ZMAT4: variants seen among roughly 807,000 people sequenced by gnomAD.
ZMAT4 encodes the protein zinc finger matrin-type 4, also known as zinc finger matrin-type protein 4.
A neutral mutation model predicts 28.7 loss-of-function variants in ZMAT4; 17 were observed. The ratio of observed to expected loss-of-function variants is 0.59; its 90% CI spans 0.41 to 0.89. The LOEUF (loss-of-function observed/expected upper bound fraction) is 0.89, where lower values mean the gene tolerates loss of function less well. Among genes scored for constraint, ZMAT4 ranks in the 40% least tolerant of loss-of-function variants. The pLI is 0.00. For synonymous variants in ZMAT4, 117 were observed against 109.2 expected (o/e 1.07, Z -0.44); for missense variants, 240 against 283.8 (o/e 0.85, Z 1.11).
At chr8:40,542,966 CA>C (rs1176650497) in intron 6 of ZMAT4, among the ~76,000 whole-genome samples, 4 of 152,210 alleles carry the variant, frequency 2.6e-5, no homozygotes, top group African/African-American at 9.6e-5. Flanking sequence ...AACGTCATTG[CA>C]GCAGAGATGG....
intron 3 of ZMAT4, among the ~76,000 whole-genome samples, chr8:40,703,204 G>A (rs1218445547): frequency 2.0e-5 from 3 of 151,984 alleles, no homozygotes; most frequent in Non-Finnish European, 4.4e-5. Flanking sequence ...TAGCTACTGT[G>A]GAAAATGAGA....
intron 6 of ZMAT4, among the ~76,000 whole-genome samples, chr8:40,568,355 G>A (rs1187046856): frequency 6.6e-6 from 1 of 152,122 alleles, no homozygotes; most frequent in Non-Finnish European, 1.5e-5. Context: ...AAGACCACAA[G>A]AAACTCAGAA....
chr8:40,880,982 C>T (rs530108290), intron 1 of ZMAT4, among the ~76,000 whole-genome samples: 3 of 152,274 alleles, frequency 2.0e-5, no homozygotes, highest in East Asian at 1.9e-4. Context: ...TATGACACAG[C>T]GTCTTCCCTG....
At chr8:40,747,181 A>G (rs1366057090) in intron 3 of ZMAT4, among the ~76,000 whole-genome samples, 1 of 152,254 alleles carries the variant, frequency 6.6e-6, no homozygotes, top group East Asian at 1.9e-4. Context: ...TGAAATTATC[A>G]ACAATCCACT....
chr8:40,547,357 T>C (rs1414995163), intron 6 of ZMAT4, among the ~76,000 whole-genome samples: 1 of 152,202 alleles, frequency 6.6e-6, no homozygotes, highest in Admixed American at 6.5e-5. Flanking sequence ...ATCCAGAGTT[T>C]TGAAAGCAGC....
intron 5 of ZMAT4, among the ~76,000 whole-genome samples, chr8:40,586,431 C>G (rs993175226): frequency 6.6e-6 from 1 of 152,060 alleles, no homozygotes; most frequent in African/African-American, 2.4e-5. Context: ...CAGTTGGAGA[C>G]AGAAAACAGA....
At chr8:40,657,081 A>C (rs1807960285) in intron 5 of ZMAT4, among the ~76,000 whole-genome samples, 1 of 152,150 alleles carries the variant, frequency 6.6e-6, no homozygotes, top group Admixed American at 6.6e-5. Context: ...CTCAAGCTGG[A>C]GTGCAATGAT....
chr8:40,601,647 AG>A (rs1563360913), intron 5 of ZMAT4, among the ~76,000 whole-genome samples: 1 of 28,324 alleles, frequency 3.5e-5, no homozygotes. Context: ...AAAGAAAGAA[AG>A]AAAGAAAGAA....
chr8:40,740,159 C>T (rs547102489), intron 3 of ZMAT4, among the ~76,000 whole-genome samples: 2 of 152,270 alleles, frequency 1.3e-5, no homozygotes, highest in East Asian at 1.9e-4. Flanking sequence ...GGTATACACC[C>T]AGTAATGGCA....
At chr8:40,817,156 A>G (rs1815573078) in intron 2 of ZMAT4, among the ~76,000 whole-genome samples, 1 of 152,192 alleles carries the variant, frequency 6.6e-6, no homozygotes. Context: ...TGTATCTAGG[A>G]GAGAATTGTT....
intron 3 of ZMAT4, among the ~76,000 whole-genome samples, chr8:40,747,191 T>G (rs1310253258): frequency 6.6e-6 from 1 of 152,252 alleles, no homozygotes; most frequent in Non-Finnish European, 1.5e-5. Context: ...AACAATCCAC[T>G]GATCCGTTTG....
chr8:40,776,239 C>T (rs1480892199), intron 2 of ZMAT4, among the ~76,000 whole-genome samples: 1 of 152,202 alleles, frequency 6.6e-6, no homozygotes, highest in African/African-American at 2.4e-5. Context: ...AATTAGGTCA[C>T]TTCGTTTCTT....
At chr8:40,849,584 C>G (rs7838763) in intron 1 of ZMAT4, among the ~76,000 whole-genome samples, 2 of 152,088 alleles carry the variant, frequency 1.3e-5, no homozygotes, top group Admixed American at 6.5e-5. Flanking sequence ...CTTGTTCCTC[C>G]GTCACCCACA....
intron 5 of ZMAT4, among the ~76,000 whole-genome samples, chr8:40,664,077 C>T (rs569440569): frequency 1.8e-4 from 27 of 152,182 alleles, no homozygotes; most frequent in Middle Eastern, 3.4e-3. Flanking sequence ...GGAGGGAGAC[C>T]GATCCTCCAG....
chr8:40,776,358 A>C (rs1442842894), intron 2 of ZMAT4, among the ~76,000 whole-genome samples: 1 of 152,232 alleles, frequency 6.6e-6, no homozygotes, highest in Non-Finnish European at 1.5e-5. Flanking sequence ...TGGGATGTGC[A>C]GTGCCTGTGA....
chr8:40,639,974 T>C (rs1021075580), intron 5 of ZMAT4, among the ~76,000 whole-genome samples: 16 of 152,128 alleles, frequency 1.1e-4, no homozygotes, highest in Admixed American at 9.8e-4. Context: ...CTTTTATGTA[T>C]GTATTTATGT....
At chr8:40,647,118 G>A (rs1032862823) in intron 5 of ZMAT4, among the ~76,000 whole-genome samples, 4 of 152,228 alleles carry the variant, frequency 2.6e-5, no homozygotes, top group African/African-American at 7.2e-5. Context: ...CTCCCAGCGT[G>A]AGCGACGCAG....
chr8:40,796,228 G>A (rs1814592912), intron 2 of ZMAT4, among the ~76,000 whole-genome samples: 1 of 152,218 alleles, frequency 6.6e-6, no homozygotes, highest in African/African-American at 2.4e-5. Context: ...GGCTCCAAGA[G>A]GCTCCCCAGG....
chr8:40,781,013 A>T (rs1007478190), intron 2 of ZMAT4, among the ~76,000 whole-genome samples: 2 of 152,198 alleles, frequency 1.3e-5, no homozygotes, highest in Non-Finnish European at 2.9e-5. Context: ...TTGACACTGT[A>T]GTGGAGGTTC....
Sources: gnomAD v4.1 joint callset for allele counts (sites outside exome capture counted in the v4.1 genomes callset) on GRCh38, gnomAD v4.1.1 for gene constraint, MANE v1.5 for transcripts, NCBI Gene and HGNC (gene_info 2026-07-23, HGNC 2026-07-21) for gene names.